DYSF: variants seen among roughly 807,000 people sequenced by gnomAD.
The protein encoded by DYSF is dystrophy-associated fer-1-like 1.
DYSF carries 212 observed loss-of-function variants against 274.9 expected under a neutral mutation model. That is an observed-to-expected ratio of 0.77 (90% CI 0.69 to 0.86). DYSF has a LOEUF of 0.86. Among genes scored for constraint, DYSF ranks in the 40% least tolerant of loss-of-function variants. The pLI is 0.00. For missense variants in DYSF, 2,666 were observed against 2,783.2 expected, an observed-to-expected ratio of 0.96 and a Z score of 0.95; for synonymous variants, 1,091 against 1,078.7, an observed-to-expected ratio of 1.01 and a Z score of -0.22.
At chr2:71,571,894 C>T (rs201419488) in intron 29 of DYSF, among the ~76,000 whole-genome samples, 1 of 130,004 alleles carries the variant, frequency 7.7e-6, no homozygotes, top group African/African-American at 3.0e-5. Flanking sequence ...CAGCTCACAC[C>T]CAGCACACAC....
intron 3 of DYSF, among the ~76,000 whole-genome samples, chr2:71,489,817 G>A (rs2083675297): frequency 6.6e-6 from 1 of 152,178 alleles, no homozygotes; most frequent in South Asian, 2.1e-4. Context: ...AGGGTCAGGG[G>A]CTTTGCTCAG....
intron 23 of DYSF, among the ~76,000 whole-genome samples, chr2:71,563,126 C>T (rs775496960): frequency 6.6e-6 from 1 of 152,196 alleles, no homozygotes; most frequent in Non-Finnish European, 1.5e-5. Flanking sequence ...CTAACAAGTT[C>T]CTGGAAGCTG....
Position 71,568,192 on chromosome 2 carries a change from G to A in DYSF, c.2718G>A (p.Leu906=), listed in dbSNP as rs754212872. The A allele has an allele frequency of 3.1e-6, 5 of 1,614,104 alleles. No homozygotes were observed. The African/African-American group carries it at 6.7e-5, about 22-fold the overall frequency. ...FAETYENETK[L]ALVGNWGTTG... ...TCCAGTATGAGAACGAGACTAAGTT[G>A]GCCCTTGTTGGGAACTGGGGCACAA... is the stretch of plus-strand genomic sequence containing the variant. Residue 906 remains leucine (L), a synonymous_variant, in exon 26 of 56, where the codon TTG becomes TTA. Transcript: ENST00000410020.
At chr2:71,501,032 A>T (rs948222842) in intron 3 of DYSF, among the ~76,000 whole-genome samples, 1 of 152,134 alleles carries the variant, frequency 6.6e-6, no homozygotes, top group African/African-American at 2.4e-5. Flanking sequence ...TTCAGTCAAC[A>T]TACTGACGGG....
chr2:71,647,437 G>A (rs1048542562), intron 42 of DYSF, among the ~76,000 whole-genome samples: 13 of 152,116 alleles, frequency 8.5e-5, no homozygotes, highest in African/African-American at 3.1e-4. Context: ...AAGTTCAACC[G>A]CTTAGAAATT....
At chr2:71,501,216 T>C (rs1198903723) in intron 3 of DYSF, among the ~76,000 whole-genome samples, 1 of 152,098 alleles carries the variant, frequency 6.6e-6, no homozygotes. Flanking sequence ...TGAATATTAG[T>C]GAATATCTCT....
At chr2:71,464,158 C>G (rs1377324473), upstream of DYSF, among the ~76,000 whole-genome samples, 3 of 152,202 alleles carry the variant, frequency 2.0e-5, no homozygotes, top group African/African-American at 7.2e-5. Context: ...TGACTGGAAG[C>G]TCCCTGAGGG....
At chr2:71,506,776 A>C (rs2085520150) in intron 4 of DYSF, among the ~76,000 whole-genome samples, 1 of 152,016 alleles carries the variant, frequency 6.6e-6, no homozygotes, top group Non-Finnish European at 1.5e-5. Flanking sequence ...TTCAGTATTC[A>C]CCATCAGATC....
At chr2:71,528,276 A>T (rs2088203305) in intron 13 of DYSF, 22 bp from the exon 14 acceptor site, 1 of 1,603,006 alleles carries the variant, frequency 6.2e-7, no homozygotes, top group African/African-American at 1.3e-5. Context: ...GCAGGCAGTG[A>T]CTGGTGTGTC....
intron 3 of DYSF, among the ~76,000 whole-genome samples, chr2:71,485,321 C>T (rs753689144): frequency 1.2e-4 from 18 of 152,162 alleles, no homozygotes; most frequent in South Asian, 4.2e-4. Context: ...TTTGGGAGGC[C>T]GAGGGCAGCA....
chr2:71,583,497 T>C (rs1433323997), intron 30 of DYSF, among the ~76,000 whole-genome samples: 1 of 152,228 alleles, frequency 6.6e-6, no homozygotes, highest in Non-Finnish European at 1.5e-5. Context: ...CTGGCCACTG[T>C]GGGGCTTTCC....
At chr2:71,535,781 G>T (rs1255903654) in intron 16 of DYSF, among the ~76,000 whole-genome samples, 2 of 152,160 alleles carry the variant, frequency 1.3e-5, no homozygotes, top group Admixed American at 6.5e-5. Context: ...CTGAGCAGGG[G>T]ACACCACGGC....
At chr2:71,459,992 G>A (rs964212575) in intron 1 of DYSF, among the ~76,000 whole-genome samples, 18 of 152,160 alleles carry the variant, frequency 1.2e-4, no homozygotes, top group Admixed American at 9.8e-4. Context: ...TTTACAGTGG[G>A]GCTGGAGTAG....
chr2:71,537,081 C>A (rs571841397), intron 16 of DYSF, among the ~76,000 whole-genome samples: 5 of 152,258 alleles, frequency 3.3e-5, no homozygotes, highest in African/African-American at 1.2e-4. Context: ...GACTGGAGGT[C>A]AGAAATCCAA....
intron 3 of DYSF, among the ~76,000 whole-genome samples, chr2:71,494,347 C>T (rs536700742): frequency 9.2e-5 from 14 of 152,314 alleles, no homozygotes; most frequent in African/African-American, 2.4e-4. Flanking sequence ...TACTGGGGAA[C>T]GTTAATTTCA....
At chr2:71,555,270 C>A (rs1159153575) in intron 21 of DYSF, among the ~76,000 whole-genome samples, 1 of 152,084 alleles carries the variant, frequency 6.6e-6, no homozygotes, top group Admixed American at 6.5e-5. Flanking sequence ...GGGCAGGGAC[C>A]GTGTTCTTTC....
At chr2:71,486,971 A>T (rs148124679) in intron 3 of DYSF, among the ~76,000 whole-genome samples, 1 of 152,284 alleles carries the variant, frequency 6.6e-6, no homozygotes, top group East Asian at 1.9e-4. Flanking sequence ...CAGGCCACAC[A>T]ATAGAATCAC....
rs1388528332 is a variant in DYSF, at chr2:71,682,883, T to C, written c.6321+206T>C. Among the ~76,000 whole-genome samples the C allele has an allele frequency of 2.0e-5, 3 of 152,300 alleles. No individual in the cohort carries two copies. The East Asian group carries it at 5.8e-4, about 29-fold the overall frequency. On this transcript the variant is annotated intron_variant, in intron 55 of 55. Coordinates refer to ENST00000410020, the MANE Select transcript of DYSF (RefSeq NM_001130987.2). ...AAGTTCTACCCTTGGAGGCTCTTAGTCCAGTGAGAGAAACTGAGTTCTTGC... is the reference window on the plus strand; with the variant it reads ...AAGTTCTACCCTTGGAGGCTCTTAGCCCAGTGAGAGAAACTGAGTTCTTGC...
intron 53 of DYSF, among the ~76,000 whole-genome samples, chr2:71,680,410 G>T (rs780809877): frequency 6.6e-6 from 1 of 152,124 alleles, no homozygotes; most frequent in Non-Finnish European, 1.5e-5. Context: ...ATAACATATA[G>T]TAACAGATTT....
Sources: gnomAD v4.1 joint callset for allele counts (sites outside exome capture counted in the v4.1 genomes callset) on GRCh38, gnomAD v4.1.1 for gene constraint, MANE v1.5 for transcripts, NCBI Gene and HGNC (gene_info 2026-07-23, HGNC 2026-07-21) for gene names.